Variants in RGL1 observed in about 807,000 individuals in gnomAD.
RGL1 encodes the protein ral guanine nucleotide dissociation stimulator like 1.
RGL1 carries 24 observed loss-of-function variants against 95.2 expected under a neutral mutation model. The ratio of observed to expected loss-of-function variants is 0.25; its 90% CI spans 0.18 to 0.35. The LOEUF (loss-of-function observed/expected upper bound fraction) is 0.35, where lower values mean the gene tolerates loss of function less well. Among genes scored for constraint, RGL1 ranks in the 10% least tolerant of loss-of-function variants. The pLI is 1.00. For synonymous variants in RGL1, 329 were observed against 344.9 expected (o/e 0.95, Z 0.51); for missense variants, 715 against 936.3 (o/e 0.76, Z 3.08).
intron 1 of RGL1, among the ~76,000 whole-genome samples, chr1:183,707,608 TA>T (rs1196984525): frequency 1.3e-5 from 2 of 151,614 alleles, no homozygotes; most frequent in East Asian, 3.9e-4. Flanking sequence ...CAGTGGAAGA[TA>T]GGGGCGTAAG....
Position 183,816,626 on chromosome 1 carries a change from T to C in RGL1, c.138+10141T>C, listed in dbSNP as rs559850279. Among the ~76,000 whole-genome samples the C allele has an allele frequency of 3.3e-5, 5 of 152,338 alleles. No homozygotes were observed. The South Asian group carries it at 1.0e-3, about 32-fold the overall frequency. ...ATGAGTTAATGTGTATAAAAGTATT[T>C]TTTAATATGTAAGTTTTTATACAAA... On this transcript the variant is annotated intron_variant, in intron 2 of 17. Coordinates refer to ENST00000360851, the MANE Select transcript of RGL1 (RefSeq NM_001297671.3).
At chr1:183,739,329 A>G (rs1657142013) in intron 1 of RGL1, among the ~76,000 whole-genome samples, 1 of 152,258 alleles carries the variant, frequency 6.6e-6, no homozygotes, top group South Asian at 2.1e-4. Context: ...AGGAAGGAGC[A>G]TGAGAAGGAG....
At chr1:183,870,273 A>C (rs1014815907) in intron 4 of RGL1, among the ~76,000 whole-genome samples, 1 of 151,930 alleles carries the variant, frequency 6.6e-6, no homozygotes, top group Admixed American at 6.6e-5. Flanking sequence ...CTCGGTCTTC[A>C]GGGGTATGTG....
upstream of RGL1, among the ~76,000 whole-genome samples, chr1:183,801,177 GTT>G (rs1491534229): frequency 1.6e-4 from 24 of 148,604 alleles, no homozygotes; most frequent in Middle Eastern, 3.4e-3. Context: ...GTGTGTGTGT[GTT>G]TAATAATGGC....
rs934741507 is a variant in RGL1 at position 183,650,460 on chromosome 1, G to A, written c.-33+13959G>A. Among the ~76,000 whole-genome samples, 5 of 151,966 alleles carry A rather than the reference G, an allele frequency of 3.3e-5. No homozygotes were observed. The East Asian group carries it at 5.8e-4, about 18-fold the overall frequency. On this transcript the variant is annotated intron_variant, in intron 1 of 18. Coordinates refer to the RGL1 transcript ENST00000304685. ...CGGGAGGCTGAGGCAGGAGAATAGCGTGAACCCAGGAGGCAGAGCTTGCAG... is the reference window on the plus strand; with the variant it reads ...CGGGAGGCTGAGGCAGGAGAATAGCATGAACCCAGGAGGCAGAGCTTGCAG...
chr1:183,808,985 G>T (rs1661523399), intron 2 of RGL1, among the ~76,000 whole-genome samples: 1 of 152,198 alleles, frequency 6.6e-6, no homozygotes, highest in Non-Finnish European at 1.5e-5. Flanking sequence ...AATGTTGCAA[G>T]ACTGGAGAGA....
chr1:183,922,746 T>A (rs1482958859), intron 17 of RGL1, among the ~76,000 whole-genome samples: 1 of 152,232 alleles, frequency 6.6e-6, no homozygotes, highest in African/African-American at 2.4e-5. Context: ...TAGTGGTTCC[T>A]GTAATAATTT....
At position 183,916,530 on chromosome 1, in the gene RGL1, C is replaced by T; in HGVS notation, c.1833C>T (p.Leu611=). 6.2e-7 allele frequency: 1 copy of T among 1,613,874 alleles called. No individual in the cohort carries two copies. Among genetic ancestry groups the T allele is most frequent in the Non-Finnish European group, 8.5e-7 (1 of 1,179,990 alleles). ...SSGMSSLINP[L]SSPPSCNNNP... ...GGATGTCTTCCTTAATCAACCCCCT[C>T]TCCTCCCCTCCGTCCTGCAACAACA... Residue 611 remains leucine, a synonymous_variant, in exon 16 of 18, where the codon CTC becomes CTT. Coordinates refer to ENST00000360851, the MANE Select transcript of RGL1 (RefSeq NM_001297671.3).
chr1:183,748,394 CTTTTTTTTTTTTT>C (rs56920504), intron 2 of RGL1, among the ~76,000 whole-genome samples: 4 of 69,680 alleles, frequency 5.7e-5, no homozygotes, highest in African/African-American at 6.6e-5. Context: ...TTCTCTAGTT[CTTTTTTTTTTTTT>C]TTTTTTTTTT....
Position 183,892,590 on chromosome 1 carries a change from G to A in RGL1, c.1140+429G>A, listed in dbSNP as rs147051321. ...AAATTGCACAATCTGTCAGTCAGCA[G>A]TATTTATTGAACACCAAGTAAGTGC... On this transcript the variant is annotated intron_variant, in intron 9 of 17. Transcript: ENST00000360851. 9.1e-4 allele frequency among the ~76,000 whole-genome samples: 138 copies of A among 152,266 alleles called. 1 individual carries two copies. Among genetic ancestry groups the A allele is most frequent in the African/African-American group, 3.1e-3 (128 of 41,552 alleles).
At chr1:183,910,819 C>G (rs1668603037) in intron 14 of RGL1, among the ~76,000 whole-genome samples, 1 of 152,190 alleles carries the variant, frequency 6.6e-6, no homozygotes, top group Non-Finnish European at 1.5e-5. Flanking sequence ...ATTAGGATGT[C>G]TTGCTCTGAG....
intron 2 of RGL1, among the ~76,000 whole-genome samples, chr1:183,790,918 A>G (rs996448360): frequency 2.3e-5 from 1 of 44,382 alleles, no homozygotes; most frequent in Non-Finnish European, 4.4e-5. Flanking sequence ...TAGCACATGT[A>G]TGTGTACACA....
intron 5 of RGL1, among the ~76,000 whole-genome samples, chr1:183,883,075 T>A (rs1351849504): frequency 1.3e-5 from 2 of 152,190 alleles, no homozygotes; most frequent in Non-Finnish European, 2.9e-5. Context: ...AATTCCAGTC[T>A]TTCAAAATGG....
chr1:183,857,409 A>G (rs1369099723), intron 3 of RGL1, among the ~76,000 whole-genome samples: 1 of 152,340 alleles, frequency 6.6e-6, no homozygotes, highest in East Asian at 1.9e-4. Context: ...GTTATAAGCC[A>G]CTAAGTTTGT....
chr1:183,852,389 G>A (rs1664875684), intron 3 of RGL1, among the ~76,000 whole-genome samples: 1 of 152,180 alleles, frequency 6.6e-6, no homozygotes, highest in Non-Finnish European at 1.5e-5. Context: ...TGTTTCCTGT[G>A]CTTCTCAACA....
chr1:183,907,152 G>A (rs774513882), intron 14 of RGL1, 51 bp downstream of exon 14: 47 of 1,076,484 alleles, frequency 4.4e-5, no homozygotes, highest in Middle Eastern at 2.0e-4. Flanking sequence ...CATCAGAGTC[G>A]TGAGAGGAGA....
chr1:183,831,892 A>G (rs937415645), intron 2 of RGL1, among the ~76,000 whole-genome samples: 9 of 152,224 alleles, frequency 5.9e-5, no homozygotes, highest in Non-Finnish European at 1.2e-4. Flanking sequence ...TATGGCTACT[A>G]TGAATAAAAC....
At chr1:183,666,106 A>C (rs969397901) in intron 1 of RGL1, among the ~76,000 whole-genome samples, 4 of 151,062 alleles carry the variant, frequency 2.6e-5, no homozygotes, top group Non-Finnish European at 4.4e-5. Flanking sequence ...CCTGGGTTCA[A>C]GTGATTCTCC....
intron 1 of RGL1, among the ~76,000 whole-genome samples, chr1:183,651,195 T>C (rs980039265): frequency 3.9e-5 from 6 of 152,216 alleles, no homozygotes; most frequent in Non-Finnish European, 8.8e-5. Context: ...AAAGCATAAT[T>C]AAGTATTCCC....
Sources: gnomAD v4.1 joint callset for allele counts (sites outside exome capture counted in the v4.1 genomes callset) on GRCh38, gnomAD v4.1.1 for gene constraint, MANE v1.5 for transcripts, NCBI Gene and HGNC (gene_info 2026-07-23, HGNC 2026-07-21) for gene names.